KPNA4: variants seen among roughly 807,000 people sequenced by gnomAD.
KPNA4 encodes the protein karyopherin subunit alpha 4, also known as importin subunit alpha-3.
Under a neutral mutation model 71.3 loss-of-function variants are expected in KPNA4, and 13 were observed. That is an observed-to-expected ratio of 0.18 (90% confidence interval 0.12 to 0.29). The LOEUF is 0.29. KPNA4 is among the 10% of genes least tolerant of loss of function. The pLI is 1.00. For missense variants in KPNA4, 334 were observed against 603.2 expected, an observed-to-expected ratio of 0.55 and a Z score of 4.67; for synonymous variants, 189 against 195.2, an observed-to-expected ratio of 0.97 and a Z score of 0.26.
Position 160,565,462 on chromosome 3 carries a change from C to T in KPNA4, c.-180G>A, listed in dbSNP as rs868050280. 3.4e-6 allele frequency: 2 copies of T among 580,656 alleles called. No individual in the cohort carries two copies. Among genetic ancestry groups the T allele is most frequent in the South Asian group, 4.1e-5 (2 of 48,502 alleles). The allele number at this position is 580,656 out of a possible 1,614,324, so 36.0% of individuals were successfully genotyped here. A position where few individuals can be genotyped will look rare whatever the true frequency, so the allele number is the denominator to read the frequency against. On this transcript the variant is annotated 5_prime_UTR_variant, in exon 1 of 17. Coordinates refer to ENST00000334256, the MANE Select transcript of KPNA4 (RefSeq NM_002268.5). ...CCTTCTCCTCTCCCCGCCCGCCCCC[C>T]CGCCCTAACCCCAGCGCGACTGCAG...
intron 1 of KPNA4, among the ~76,000 whole-genome samples, chr3:160,563,170 G>C (rs1722278884): frequency 6.6e-6 from 1 of 152,188 alleles, no homozygotes; most frequent in Admixed American, 6.5e-5. Flanking sequence ...CCATGAGCTG[G>C]AGGATCATTG....
chr3:160,544,137 C>G (rs1721859939), intron 1 of KPNA4, among the ~76,000 whole-genome samples: 1 of 152,190 alleles, frequency 6.6e-6, no homozygotes. Flanking sequence ...GGATTACAGG[C>G]ATGAGCCACT....
At chr3:160,530,741 C>CGTA (rs1203012468) in intron 7 of KPNA4, 114 bp downstream of exon 7, 3 of 687,186 alleles carry the variant, frequency 4.4e-6, no homozygotes, top group Admixed American at 6.1e-5. Context: ...TCAATAACTA[C>CGTA]GTAGTAGCTA....
chr3:160,538,153 ATGTATATATGTG>A (rs1330498140), intron 1 of KPNA4, among the ~76,000 whole-genome samples: 1 of 150,116 alleles, frequency 6.7e-6, no homozygotes, highest in East Asian at 1.9e-4. Context: ...ATGTATATAT[ATGTATATATGTG>A]TGTATATATG....
chr3:160,526,943 G>C (rs1353028819), intron 8 of KPNA4, among the ~76,000 whole-genome samples: 2 of 152,088 alleles, frequency 1.3e-5, no homozygotes, highest in African/African-American at 4.8e-5. Context: ...TCTGGATATA[G>C]AAACAATAGC....
intron 7 of KPNA4, 145 bp from the exon 8 acceptor site, chr3:160,528,184 A>T: frequency 1.9e-6 from 1 of 531,308 alleles, no homozygotes; most frequent in Non-Finnish European, 3.4e-6. Flanking sequence ...ATTTTATTGG[A>T]ATAGCATCAT....
chr3:160,501,575 C>A lies in KPNA4; in HGVS notation c.*529G>T, dbSNP rs1720882739. 1 of 152,570 alleles carries A rather than the reference C, an allele frequency of 6.6e-6. No homozygotes were observed. The highest frequency in any genetic ancestry group is 2.4e-5 in the African/African-American group (1 of 41,404). 9.5% of individuals were successfully genotyped at this position (152,570 alleles called of 1,614,324 possible). A position where few individuals can be genotyped will look rare whatever the true frequency, so the allele number is the denominator to read the frequency against. ...AGGAGTCTGCTTCATGAGTGAAGAGCCCTAGATTTCAAAGATGAACCTGGC... is the reference window on the plus strand; with the variant it reads ...AGGAGTCTGCTTCATGAGTGAAGAGACCTAGATTTCAAAGATGAACCTGGC... On this transcript the variant is annotated 3_prime_UTR_variant, in exon 17 of 17. Coordinates refer to ENST00000334256, the MANE Select transcript of KPNA4 (RefSeq NM_002268.5).
intron 1 of KPNA4, among the ~76,000 whole-genome samples, chr3:160,554,424 C>A (rs1440712297): frequency 1.3e-5 from 2 of 152,206 alleles, no homozygotes; most frequent in African/African-American, 4.8e-5. Flanking sequence ...TCTCTATGGA[C>A]TTGCCTATCC....
chr3:160,531,650 T>A, intron 5 of KPNA4, 93 bp from the exon 6 acceptor site: 1 of 603,414 alleles, frequency 1.7e-6, no homozygotes, highest in Non-Finnish European at 2.7e-6. Context: ...AACATAAATC[T>A]GAATATTTGG....
intron 1 of KPNA4, among the ~76,000 whole-genome samples, chr3:160,541,331 TA>T (rs546296306): frequency 1.5e-4 from 23 of 152,282 alleles, no homozygotes; most frequent in Admixed American, 1.4e-3. Flanking sequence ...AGAAAAATGT[TA>T]AAGAAAATTC....
chr3:160,509,824 T>C lies in KPNA4; in HGVS notation c.1185A>G (p.Leu395=). The part of the protein sequence containing the change: ...QKEAAWAISN[L]TISGRKDQVA... ...CTTGATCTTTCCTTCCACTAATTGTTAAGTTACTTATGGCCCAAGCAGCTT... is the reference window on the plus strand; with the variant it reads ...CTTGATCTTTCCTTCCACTAATTGTCAAGTTACTTATGGCCCAAGCAGCTT... Residue 395 remains leucine, a synonymous_variant, in exon 14 of 17, where the codon TTA becomes TTG. Transcript: ENST00000334256. 6.2e-7 allele frequency: 1 copy of C among 1,611,530 alleles called. No homozygotes were observed. The highest frequency in any genetic ancestry group is 2.2e-5 in the East Asian group (1 of 44,784).
At chr3:160,546,206 G>A (rs528750484) in intron 1 of KPNA4, among the ~76,000 whole-genome samples, 2 of 152,282 alleles carry the variant, frequency 1.3e-5, no homozygotes, top group Non-Finnish European at 2.9e-5. Context: ...AGAAATCAGT[G>A]AGATAGAAGG....
intron 15 of KPNA4, among the ~76,000 whole-genome samples, chr3:160,507,742 G>A (rs575483371): frequency 1.4e-4 from 21 of 152,280 alleles, no homozygotes; most frequent in African/African-American, 4.8e-4. Context: ...TGCACTTCCT[G>A]CTTCTTCCAG....
intron 5 of KPNA4, 100 bp downstream of exon 5, chr3:160,535,413 A>G: frequency 1.4e-6 from 1 of 719,288 alleles, no homozygotes; most frequent in South Asian, 2.2e-5. Flanking sequence ...TTTGTCATCA[A>G]GTTAAATTTG....
chr3:160,518,511 C>G (rs1016315463), intron 11 of KPNA4, among the ~76,000 whole-genome samples: 1 of 151,452 alleles, frequency 6.6e-6, no homozygotes, highest in African/African-American at 2.4e-5. Flanking sequence ...GTCGTTCTTG[C>G]CCATCTGTTG....
At chr3:160,526,682 G>C (rs1460926241) in intron 8 of KPNA4, among the ~76,000 whole-genome samples, 2 of 152,314 alleles carry the variant, frequency 1.3e-5, no homozygotes, top group East Asian at 3.9e-4. Context: ...CTGCTGCAGA[G>C]AACTGCCAAG....
chr3:160,507,880 T>A (rs1390493197), intron 15 of KPNA4, among the ~76,000 whole-genome samples: 1 of 152,254 alleles, frequency 6.6e-6, no homozygotes, highest in African/African-American at 2.4e-5. Context: ...TACCACTGTC[T>A]TCCCAGTAAC....
Position 160,495,882 on chromosome 3 carries a change from G to GC in KPNA4, c.*6221dup, listed in dbSNP as rs1386660243. 1 of 148,708 alleles carries GC rather than the reference G, an allele frequency of 6.7e-6. No individual in the cohort carries two copies. Among genetic ancestry groups the GC allele is most frequent in the East Asian group, 2.0e-4 (1 of 5,104 alleles). 9.2% of individuals were successfully genotyped at this position (148,708 alleles called of 1,614,324 possible). On this transcript the variant is annotated 3_prime_UTR_variant, in exon 17 of 17. Transcript: ENST00000334256. ...GTGACTAAGGTTGTCTTGATTCCCC[G>GC]CCCCCACCACAATTATGAATCAAAA...
intron 1 of KPNA4, among the ~76,000 whole-genome samples, chr3:160,560,932 TA>T (rs1328415930): frequency 1.3e-5 from 2 of 152,096 alleles, no homozygotes; most frequent in Non-Finnish European, 2.9e-5. Context: ...GATCAGTCTC[TA>T]AAAGTTAACA....
Sources: allele counts gnomAD v4.1 joint callset (sites outside exome capture counted in the v4.1 genomes callset), GRCh38; gene constraint gnomAD v4.1.1; transcripts MANE v1.5; gene names NCBI Gene and HGNC (gene_info 2026-07-23, HGNC 2026-07-21).